SPARCL1: variants seen among roughly 807,000 people sequenced by gnomAD.
SPARCL1 encodes the protein SPARC-like protein 1.
Under a neutral mutation model 67.1 loss-of-function variants are expected in SPARCL1, and 52 were observed. The ratio of observed to expected loss-of-function variants is 0.78; its 90% CI spans 0.62 to 0.98. SPARCL1 has a LOEUF of 0.98. Among genes scored for constraint, SPARCL1 ranks in the 50% least tolerant of loss-of-function variants. SPARCL1 has a pLI of 0.00. For missense variants in SPARCL1, 717 were observed against 782.4 expected, an observed-to-expected ratio of 0.92 and a Z score of 1.00; for synonymous variants, 226 against 267.8, an observed-to-expected ratio of 0.84 and a Z score of 1.52.
chr4:87,476,259 GC>G (rs1382306336), intron 10 of SPARCL1, among the ~76,000 whole-genome samples: 3 of 152,126 alleles, frequency 2.0e-5, no homozygotes, highest in Non-Finnish European at 2.9e-5. Flanking sequence ...TCACCTGTCT[GC>G]TCTCGGCTCC....
chr4:87,482,974 A>T (rs10461161), intron 7 of SPARCL1, among the ~76,000 whole-genome samples: 3 of 151,928 alleles, frequency 2.0e-5, no homozygotes, highest in African/African-American at 7.3e-5. Context: ...GCTAAATCTC[A>T]GTGGCTTAAA....
intron 1 of SPARCL1, among the ~76,000 whole-genome samples, chr4:87,523,427 C>T (rs1043785898): frequency 2.6e-5 from 4 of 152,182 alleles, no homozygotes; most frequent in African/African-American, 9.7e-5. Flanking sequence ...GAAAGCCACA[C>T]TTACAGTTTC....
intron 1 of SPARCL1, among the ~76,000 whole-genome samples, chr4:87,519,163 C>T (rs192878605): frequency 9.3e-4 from 141 of 151,996 alleles, no homozygotes; most frequent in African/African-American, 2.4e-3. Context: ...CTCCGCCTCC[C>T]GGGTTCAAGC....
At position 87,512,213 on chromosome 4, in the gene SPARCL1, C is replaced by G. The variant is rs376628655; in HGVS notation, c.-11-12628G>C. Among the ~76,000 whole-genome samples the G allele has an allele frequency of 2.7e-4, 41 of 152,240 alleles. No homozygotes were observed. In the South Asian group the frequency reaches 7.5e-3, roughly 28 times the overall value. On this transcript the variant is annotated intron_variant, in intron 1 of 10. Coordinates refer to ENST00000282470, the MANE Select transcript of SPARCL1 (RefSeq NM_004684.6). ...AAACTCCTGACCTCAGGTGATCCACCTGCCTCAGCCCCCTGGAAGTACTGG... is the reference window on the plus strand; with the variant it reads ...AAACTCCTGACCTCAGGTGATCCACGTGCCTCAGCCCCCTGGAAGTACTGG...
intron 1 of SPARCL1, among the ~76,000 whole-genome samples, chr4:87,514,265 C>T (rs1578114417): frequency 6.6e-6 from 1 of 152,132 alleles, no homozygotes; most frequent in African/African-American, 2.4e-5. Flanking sequence ...TTGTTCTTAA[C>T]CCAAAAAGAG....
intron 10 of SPARCL1, 58 bp downstream of exon 10, chr4:87,479,372 G>A: frequency 6.4e-7 from 1 of 1,567,128 alleles, no homozygotes; most frequent in Non-Finnish European, 8.7e-7. Flanking sequence ...AGCATGCAGG[G>A]CTTAGGGCTT....
chr4:87,490,263 A>T lies in SPARCL1; in HGVS notation c.1531+10T>A. The stretch of plus-strand genomic sequence containing the variant: ...AGAGATGATGGTTGACAGGAGGGAC[A>T]TAATCTTACATTTGCAGGCTCCAAA... On this transcript the variant is annotated intron_variant, in intron 7 of 10. Transcript: ENST00000282470. The T allele has an allele frequency of 1.2e-6, 2 of 1,604,786 alleles. No homozygotes were observed. Among genetic ancestry groups the T allele is most frequent in the Non-Finnish European group, 1.7e-6 (2 of 1,176,948 alleles).
At chr4:87,519,365 T>A (rs1396468706) in intron 1 of SPARCL1, among the ~76,000 whole-genome samples, 1 of 152,068 alleles carries the variant, frequency 6.6e-6, no homozygotes, top group Non-Finnish European at 1.5e-5. Context: ...AGCCATTGTG[T>A]CCGGCCTGGG....
chr4:87,506,697 C>T (rs1578109623), intron 1 of SPARCL1, among the ~76,000 whole-genome samples: 1 of 152,284 alleles, frequency 6.6e-6, no homozygotes, highest in East Asian at 1.9e-4. Context: ...GCTCTCTTGG[C>T]TTTCCAATTT....
chr4:87,493,158 C>G (rs1161319973), intron 4 of SPARCL1, among the ~76,000 whole-genome samples: 2 of 152,144 alleles, frequency 1.3e-5, no homozygotes, highest in Non-Finnish European at 2.9e-5. Context: ...CTGGCTCACT[C>G]AAGGGACAGG....
At chr4:87,512,722 A>C (rs1261843410) in intron 1 of SPARCL1, among the ~76,000 whole-genome samples, 1 of 152,214 alleles carries the variant, frequency 6.6e-6, no homozygotes, top group African/African-American at 2.4e-5. Context: ...ATTATGAGCA[A>C]ATACAGGGAT....
Position 87,475,717 on chromosome 4 carries a change from T to A in SPARCL1, c.1967-1914A>T, listed in dbSNP as rs550204389. Among the ~76,000 whole-genome samples the A allele has an allele frequency of 2.9e-4, 44 of 152,276 alleles. 1 individual carries two copies. The South Asian group carries it at 8.5e-3, about 29-fold the overall frequency. On this transcript the variant is annotated intron_variant, in intron 10 of 10. Transcript: ENST00000282470. ...GCCATTTCACACCAGTCAGAATGGC[T>A]GTAATTAAAAAGTCTAAAAACAACA... is the stretch of plus-strand genomic sequence containing the variant.
intron 1 of SPARCL1, among the ~76,000 whole-genome samples, chr4:87,510,079 T>G (rs931308278): frequency 3.3e-5 from 5 of 152,210 alleles, no homozygotes; most frequent in African/African-American, 9.7e-5. Flanking sequence ...ATTACATACA[T>G]GTATAATTTA....
At chr4:87,501,082 C>T (rs1724823914) in intron 1 of SPARCL1, among the ~76,000 whole-genome samples, 1 of 152,166 alleles carries the variant, frequency 6.6e-6, no homozygotes, top group African/African-American at 2.4e-5. Flanking sequence ...TTTAAAATTT[C>T]CTCTTAATAT....
At chr4:87,517,125 G>A (rs1725613651) in intron 1 of SPARCL1, among the ~76,000 whole-genome samples, 3 of 152,088 alleles carry the variant, frequency 2.0e-5, no homozygotes, top group Non-Finnish European at 4.4e-5. Flanking sequence ...CTCAGAGAAA[G>A]AGAACACAGG....
intron 1 of SPARCL1, among the ~76,000 whole-genome samples, chr4:87,509,646 G>A (rs1043512617): frequency 6.6e-6 from 1 of 152,194 alleles, no homozygotes; most frequent in Non-Finnish European, 1.5e-5. Flanking sequence ...TGTCAATAGG[G>A]GAAGTGGGCT....
intron 8 of SPARCL1, 111 bp from the exon 9 acceptor site, chr4:87,480,631 G>A (rs929585090): frequency 7.3e-6 from 7 of 955,308 alleles, no homozygotes; most frequent in East Asian, 2.5e-5. Flanking sequence ...GGGAAAACAA[G>A]CTCAGGACAT....
chr4:87,493,750 A>G lies in SPARCL1; in HGVS notation c.1050T>C (p.Thr350=), dbSNP rs761107769. ...DGDDDGDDGG[T]DGPRHSASDD... is the part of the protein sequence containing the mutation. The stretch of plus-strand genomic sequence containing the variant: ...CACTTGCACTGTGCCTGGGGCCATC[A>G]GTGCCGCCATCATCGCCATCATCAT... Residue 350 remains threonine, a synonymous_variant, in exon 4 of 11, where the codon ACT becomes ACC. Coordinates refer to ENST00000282470, the MANE Select transcript of SPARCL1 (RefSeq NM_004684.6). 8.7e-6 allele frequency: 14 copies of G among 1,614,018 alleles called. No individual in the cohort carries two copies. In the Admixed American group the frequency reaches 2.2e-4, roughly 25 times the overall value.
In SPARCL1 at chr4:87,515,315, T is replaced by G. The variant is rs142279429; in HGVS notation, c.-12+13730A>C. Among the ~76,000 whole-genome samples the G allele has an allele frequency of 2.6e-5, 4 of 152,364 alleles. No individual in the cohort carries two copies. In the East Asian group the frequency reaches 7.7e-4, roughly 29 times the overall value. On this transcript the variant is annotated intron_variant, in intron 1 of 10. Coordinates refer to ENST00000282470, the MANE Select transcript of SPARCL1 (RefSeq NM_004684.6). ...AAAGGTAATATTACATTTTCTTATCTATCTTCTGGAGTTGTTTTGAGATTC... is the reference window on the plus strand; with the variant it reads ...AAAGGTAATATTACATTTTCTTATCGATCTTCTGGAGTTGTTTTGAGATTC...
Sources: allele counts gnomAD v4.1 joint callset (sites outside exome capture counted in the v4.1 genomes callset), GRCh38; gene constraint gnomAD v4.1.1; transcripts MANE v1.5; gene names NCBI Gene and HGNC (gene_info 2026-07-23, HGNC 2026-07-21).